ZDHHC11B: variants seen among roughly 807,000 people sequenced by gnomAD.
ZDHHC11B encodes probable palmitoyltransferase ZDHHC11B.
ZDHHC11B carries 17 observed loss-of-function variants against 42.3 expected under a neutral mutation model. That is an observed-to-expected ratio of 0.40 (90% CI 0.27 to 0.60). The LOEUF is 0.60. Among genes scored for constraint, ZDHHC11B ranks in the 20% least tolerant of loss-of-function variants. The probability of loss-of-function intolerance (pLI) is 0.41; values close to 1 mark genes in which losing one functional copy is unlikely to be tolerated. For synonymous variants in ZDHHC11B, 123 were observed against 193.5 expected, an observed-to-expected ratio of 0.64 and a Z score of 3.02; for missense variants, 262 against 463.2, an observed-to-expected ratio of 0.57 and a Z score of 3.99.
At chr5:784,103 G>A (rs955351557) in intron 1 of ZDHHC11B, among the ~76,000 whole-genome samples, 5 of 151,698 alleles carry the variant, frequency 3.3e-5, no homozygotes, top group African/African-American at 1.2e-4. Flanking sequence ...AGGCTCTGCG[G>A]GGGGCGGTCT....
chr5:753,775 C>T (rs1295734683), intron 6 of ZDHHC11B, among the ~76,000 whole-genome samples: 1 of 147,762 alleles, frequency 6.8e-6, no homozygotes, highest in Non-Finnish European at 1.5e-5. Flanking sequence ...TCTCTGGACA[C>T]ATGCTGTGCT....
chr5:767,529 G>A lies in ZDHHC11B; in HGVS notation c.-133-5C>T. 1 of 1,438,916 alleles carries A rather than the reference G, an allele frequency of 6.9e-7. No individual in the cohort carries two copies. 89.1% of individuals were successfully genotyped at this position (1,438,916 alleles called of 1,614,324 possible). A position where few individuals can be genotyped will look rare whatever the true frequency, so the allele number is the denominator to read the frequency against. On this transcript the variant is annotated splice_polypyrimidine_tract_variant and splice_region_variant and intron_variant, in intron 2 of 13. Coordinates refer to ENST00000508859, the MANE Select transcript of ZDHHC11B (RefSeq NM_001351303.2). ...TGGCACTGGAGAGAAAGGTGACTGG[G>A]AGGAAGAGGAGAAAGAGAGCATCAC...
At chr5:769,993 C>T (rs1395685058) in intron 1 of ZDHHC11B, among the ~76,000 whole-genome samples, 1 of 151,900 alleles carries the variant, frequency 6.6e-6, no homozygotes, top group East Asian at 1.9e-4. Context: ...CCACACCACT[C>T]GGTGCACATG....
At chr5:779,300 G>A (rs1449706033) in intron 1 of ZDHHC11B, among the ~76,000 whole-genome samples, 18 of 149,528 alleles carry the variant, frequency 1.2e-4, no homozygotes, top group South Asian at 6.4e-4. Context: ...GGGGGAATGC[G>A]TCCCTGTTGT....
intron 11 of ZDHHC11B, among the ~76,000 whole-genome samples, chr5:731,039 G>A (rs1742984019): frequency 6.6e-6 from 1 of 151,902 alleles, no homozygotes; most frequent in African/African-American, 2.4e-5. Context: ...AAAAACACCT[G>A]CTATGTGTGC....
At chr5:761,078 G>A (rs1734547138) in intron 4 of ZDHHC11B, among the ~76,000 whole-genome samples, 1 of 151,844 alleles carries the variant, frequency 6.6e-6, no homozygotes, top group Non-Finnish European at 1.5e-5. Context: ...AACATGCCCA[G>A]AACCTCGGCC....
Position 748,479 on chromosome 5 carries a change from T to C in ZDHHC11B, c.709A>G (p.Arg237Gly), listed in dbSNP as rs3817064. 161,436 of 1,344,226 alleles carry C rather than the reference T, an allele frequency of 0.12. 27,872 individuals carry two copies. The highest frequency in any genetic ancestry group is 0.38 in the East Asian group (10,812 of 28,700). The allele number at this position is 1,344,226 out of a possible 1,614,324, so 83.3% of individuals were successfully genotyped here. The stretch of plus-strand genomic sequence containing the variant: ...AGGTCCAGCAGGAGCACGAGCATCC[T>C]GATGATCACGACTATCAGAGTCTGC... ...QVQTLIVVIIRMLVLLLDLLG... is the reference protein window; with the variant it reads ...QVQTLIVVIIGMLVLLLDLLG... The change falls in exon 8 of 14, where the codon AGG (arginine) becomes GGG (glycine). Residue 237 changes from arginine (R) to glycine (G), a missense_variant. Physicochemically the swap from Arg to Gly is moderately radical, Grantham distance 125 (BLOSUM62 -2). Around this residue, in one of 5 missense-constraint regions of ZDHHC11B, gnomAD observed 57 missense variants for 103.3 expected, o/e 0.55. Transcript: ENST00000508859.
intron 4 of ZDHHC11B, among the ~76,000 whole-genome samples, chr5:766,390 C>G (rs1200333701): frequency 6.6e-6 from 1 of 151,884 alleles, no homozygotes; most frequent in Admixed American, 6.6e-5. Flanking sequence ...CAGCGGCTGC[C>G]CTGTCCAACC....
intron 12 of ZDHHC11B, 64 bp downstream of exon 12, chr5:730,370 G>C (rs189202342): frequency 6.6e-7 from 1 of 1,508,534 alleles, no homozygotes; most frequent in South Asian, 1.3e-5. Flanking sequence ...TATTTTCCTA[G>C]GTAATTTGAG....
At chr5:784,042 C>T (rs1737072412) in intron 1 of ZDHHC11B, among the ~76,000 whole-genome samples, 5 of 151,578 alleles carry the variant, frequency 3.3e-5, no homozygotes, top group African/African-American at 7.3e-5. Flanking sequence ...CCGGCAGCGC[C>T]TCTCCATCGC....
intron 13 of ZDHHC11B, among the ~76,000 whole-genome samples, chr5:715,716 G>A (rs1182705503): frequency 6.6e-6 from 1 of 151,388 alleles, no homozygotes; most frequent in East Asian, 1.9e-4. Flanking sequence ...TGTCTCTCTG[G>A]GCTTTCAAGG....
rs553069033 is a variant in ZDHHC11B, at chr5:777,335, G to A, written c.-230+7333C>T. ...GACCTCAGTGGTGAGTGTTACTTAC[G>A]CCTCTCAGAGACAGCGCGTCTGGAG... is the stretch of plus-strand genomic sequence containing the variant. On this transcript the variant is annotated intron_variant, in intron 1 of 13. Transcript: ENST00000508859. Among the ~76,000 whole-genome samples the A allele has an allele frequency of 2.0e-5, 3 of 151,862 alleles. No homozygotes were observed. In the East Asian group the frequency reaches 5.8e-4, roughly 29 times the overall value.
Position 769,499 on chromosome 5 carries a change from G to A in ZDHHC11B, c.-229-569C>T, listed in dbSNP as rs1194635960. On this transcript the variant is annotated intron_variant, in intron 1 of 13. Transcript: ENST00000508859. ...TCCTTCACACACTGGAGAAAACCAC[G>A]CTGGCATGGTGGAGCTGGGTGAAAG... 5.9e-5 allele frequency among the ~76,000 whole-genome samples: 9 copies of A among 151,742 alleles called. 1 individual carries two copies. In the East Asian group the frequency reaches 7.8e-4, roughly 13 times the overall value.
chr5:722,148 G>A (rs1479017400), intron 12 of ZDHHC11B, among the ~76,000 whole-genome samples: 1 of 151,738 alleles, frequency 6.6e-6, no homozygotes, highest in African/African-American at 2.4e-5. Flanking sequence ...TGGATATTTT[G>A]GTGAAAAGAT....
rs550269123 is a variant in ZDHHC11B at position 724,627 on chromosome 5, G to A, written c.1058+5807C>T. On this transcript the variant is annotated intron_variant, in intron 12 of 13. Transcript: ENST00000508859. ...TCCTGTCCTCTTGATCTGCTTTCTC[G>A]GCCTCCCCACATGCTCCATCTTTTG... is the stretch of plus-strand genomic sequence containing the variant. 2.0e-3 allele frequency among the ~76,000 whole-genome samples: 281 copies of A among 138,282 alleles called. 5 individuals carry two copies. The highest frequency in any genetic ancestry group is 2.2e-3 in the Non-Finnish European group (144 of 64,654). 90.7% of individuals were successfully genotyped at this position (138,282 alleles called of 152,430 possible).
chr5:715,940 G>A (rs546773881), intron 13 of ZDHHC11B, among the ~76,000 whole-genome samples: 1 of 151,208 alleles, frequency 6.6e-6, no homozygotes, highest in East Asian at 1.9e-4. Context: ...CGATCATAGG[G>A]CTTTTCTTGT....
At chr5:759,623 G>GACGCGGGC (rs377317154) in intron 4 of ZDHHC11B, among the ~76,000 whole-genome samples, 1 of 152,004 alleles carries the variant, frequency 6.6e-6, no homozygotes, top group African/African-American at 2.4e-5. Context: ...CAGAAGAACA[G>GACGCGGGC]ACGCGGGCAC....
At chr5:732,950 G>A (rs1215167045) in intron 11 of ZDHHC11B, among the ~76,000 whole-genome samples, 5 of 151,732 alleles carry the variant, frequency 3.3e-5, no homozygotes, top group Admixed American at 6.6e-5. Context: ...TCGGCTATTC[G>A]GGAGGCTGAG....
chr5:720,816 G>A (rs1281717408), intron 12 of ZDHHC11B, among the ~76,000 whole-genome samples: 50 of 151,604 alleles, frequency 3.3e-4, no homozygotes, highest in African/African-American at 1.1e-3. Context: ...GTGTACTATT[G>A]AAACTAAGTT....
Sources: gnomAD v4.1 joint callset for allele counts (sites outside exome capture counted in the v4.1 genomes callset) on GRCh38, gnomAD v4.1.1 for gene constraint, gnomAD v4.1.1 regional missense constraint, MANE v1.5 for transcripts, NCBI Gene and HGNC (gene_info 2026-07-23, HGNC 2026-07-21) for gene names.